SP3: variants seen among roughly 807,000 people sequenced by gnomAD.
SP3 encodes transcription factor Sp3.
A neutral mutation model predicts 70.3 loss-of-function variants in SP3; 10 were observed. The observed-to-expected ratio is 0.14, with a 90% CI of 0.09 to 0.24. The LOEUF (loss-of-function observed/expected upper bound fraction) is 0.24, where lower values mean the gene tolerates loss of function less well. SP3 is among the 10% of genes least tolerant of loss of function. SP3 has a pLI of 1.00. For missense variants in SP3, 825 were observed against 914.6 expected (o/e 0.90, Z 1.26); for synonymous variants, 402 against 333.5 (o/e 1.21, Z -2.24).
In SP3 at chr2:173,910,058, A is replaced by C; in HGVS notation, c.2229T>G (p.Gly743=). The part of the protein sequence containing the change: ...TTLILANIQQ[G]SVSGIGTVNT... Reference sequence around the variant, plus strand: ...TAACAGTTCCTATCCCTGAAACAGAACCTTGTTGAATATTTGCAAGGATAA... The same window carrying C: ...TAACAGTTCCTATCCCTGAAACAGACCCTTGTTGAATATTTGCAAGGATAA... Residue 743 remains glycine (G), a synonymous_variant, in exon 7 of 7, where the codon GGT becomes GGG. Transcript: ENST00000310015. 2 of 1,612,900 alleles carry C rather than the reference A, an allele frequency of 1.2e-6. No individual in the cohort carries two copies. The highest frequency in any genetic ancestry group is 1.7e-6 in the Non-Finnish European group (2 of 1,179,526).
chr2:173,923,286 G>T (rs930945821), intron 4 of SP3, among the ~76,000 whole-genome samples: 13 of 151,460 alleles, frequency 8.6e-5, no homozygotes, highest in African/African-American at 3.2e-4. Flanking sequence ...AAAGGGGTAT[G>T]TACAAAAGAA....
chr2:173,954,192 C>G (rs1053177569), intron 4 of SP3, among the ~76,000 whole-genome samples: 9 of 152,140 alleles, frequency 5.9e-5, no homozygotes, highest in Non-Finnish European at 1.3e-4. Flanking sequence ...AAAAATGACA[C>G]TATCTCTTTT....
chr2:173,950,000 A>AC (rs1183547542), intron 4 of SP3, among the ~76,000 whole-genome samples: 1 of 152,196 alleles, frequency 6.6e-6, no homozygotes, highest in Non-Finnish European at 1.5e-5. Context: ...GCCTCCTCTT[A>AC]CCCAGTTTCA....
In SP3 at chr2:173,904,823, A is replaced by T. The variant is rs1689271636; in HGVS notation, c.*5118T>A. 6.6e-6 allele frequency among the ~76,000 whole-genome samples: 1 copy of T among 152,220 alleles called. No individual in the cohort carries two copies. Among genetic ancestry groups the T allele is most frequent in the Non-Finnish European group, 1.5e-5 (1 of 68,044 alleles). On this transcript the variant is annotated 3_prime_UTR_variant, in exon 7 of 7. Transcript: ENST00000310015. ...TACTTCCTGTATTTCGTTGTTGTCG[A>T]TTAATCGGAGGCTTAGACTTTTTTT...
rs1360954482 is a variant in SP3 at position 173,905,693 on chromosome 2, G to GTA, written c.*4246_*4247dup. Among the ~76,000 whole-genome samples the GTA allele has an allele frequency of 6.6e-6, 1 of 151,828 alleles. No individual in the cohort carries two copies. The highest frequency in any genetic ancestry group is 1.5e-5 in the Non-Finnish European group (1 of 67,976). On this transcript the variant is annotated 3_prime_UTR_variant, in exon 7 of 7. Transcript: ENST00000310015. ...CCAACATGGGAAAAAAAAAAACCTT[G>GTA]TATACCCTTTAGACTCCAGATTTGG...
At chr2:173,944,923 C>A (rs1690487614) in intron 4 of SP3, among the ~76,000 whole-genome samples, 1 of 152,176 alleles carries the variant, frequency 6.6e-6, no homozygotes, top group African/African-American at 2.4e-5. Context: ...TTGAGACCAG[C>A]CTGGCCAACA....
chr2:173,911,955 A>C (rs2105453631), intron 6 of SP3, among the ~76,000 whole-genome samples: 1 of 151,458 alleles, frequency 6.6e-6, no homozygotes, highest in African/African-American at 2.4e-5. Context: ...AGCAGCTGGG[A>C]CTACAGGTAC....
At chr2:173,952,405 T>C (rs1006205230) in intron 4 of SP3, among the ~76,000 whole-genome samples, 5 of 152,078 alleles carry the variant, frequency 3.3e-5, no homozygotes, top group African/African-American at 1.2e-4. Flanking sequence ...CCCACTAGGA[T>C]GGCTGTAATC....
chr2:173,960,445 T>C (rs77724216), intron 3 of SP3, among the ~76,000 whole-genome samples: 30,908 of 152,136 alleles, frequency 0.2, 3,833 homozygotes, highest in East Asian at 0.35. Flanking sequence ...TAGGCAAATA[T>C]TCAAGTTTCT....
In SP3 at chr2:173,901,805, G is replaced by C. The variant is rs556718399; in HGVS notation, c.*8136C>G. ...CAACCTATGCCTCCTGCGTTCAAGC[G>C]ATTCTCGTGCCTCAGCCTCCCGAGT... On this transcript the variant is annotated 3_prime_UTR_variant, in exon 7 of 7. Transcript: ENST00000310015. 6.8e-6 allele frequency among the ~76,000 whole-genome samples: 1 copy of C among 147,644 alleles called. No homozygotes were observed. Among genetic ancestry groups the C allele is most frequent in the African/African-American group, 2.5e-5 (1 of 40,024 alleles).
intron 4 of SP3, among the ~76,000 whole-genome samples, chr2:173,947,638 C>T (rs906147581): frequency 6.6e-6 from 1 of 152,200 alleles, no homozygotes; most frequent in African/African-American, 2.4e-5. Flanking sequence ...TGCAAGCATA[C>T]TGATTTTCAA....
chr2:173,950,560 T>G (rs952484625), intron 4 of SP3, among the ~76,000 whole-genome samples: 1 of 151,490 alleles, frequency 6.6e-6, no homozygotes, highest in African/African-American at 2.4e-5. Flanking sequence ...TAGCCTGTAG[T>G]TCTACACATT....
Position 173,905,203 on chromosome 2 carries a change from T to C in SP3, c.*4738A>G, listed in dbSNP as rs1163330955. Among the ~76,000 whole-genome samples, 1 of 152,128 alleles carries C rather than the reference T, an allele frequency of 6.6e-6. No homozygotes were observed. The highest frequency in any genetic ancestry group is 1.5e-5 in the Non-Finnish European group (1 of 68,018). ...GGAAAAATCAATGTATGAACCATAG[T>C]CAAACAATGAAAATTCTAAAACACT... On this transcript the variant is annotated 3_prime_UTR_variant, in exon 7 of 7. Coordinates refer to ENST00000310015, the MANE Select transcript of SP3 (RefSeq NM_003111.5).
At chr2:173,943,676 T>C (rs149821737) in intron 4 of SP3, among the ~76,000 whole-genome samples, 1 of 152,202 alleles carries the variant, frequency 6.6e-6, no homozygotes, top group African/African-American at 2.4e-5. Context: ...AGTATTGTAT[T>C]TGCTTATTTG....
chr2:173,920,264 A>G (rs368706543), intron 4 of SP3, among the ~76,000 whole-genome samples: 4 of 152,258 alleles, frequency 2.6e-5, no homozygotes, highest in African/African-American at 7.2e-5. Context: ...GTTGCCAGGA[A>G]TTAAAGGGGA....
rs775326711 is a variant in SP3, at chr2:173,913,262, T to A, written c.1837A>T (p.Thr613Ser). Residue 613 changes from threonine (T) to serine (S), a missense_variant, in exon 6 of 7, where the codon ACC becomes TCC. This residue lies in a region of SP3 where 37 missense variants were observed against 66.2 expected (regional missense o/e 0.56). Transcript: ENST00000310015. ...PNCKEGGGRG[T>S]NLGKKKQHIC... is the part of the protein sequence containing the mutation. ...TGTTGCTTCTTTTTCCCAAGATTGG[T>A]ACCTCTAAAAAACACACATAGAATA... The A allele has an allele frequency of 2.5e-6, 4 of 1,590,504 alleles. No homozygotes were observed. The highest frequency in any genetic ancestry group is 2.6e-6 in the Non-Finnish European group (3 of 1,166,416).
chr2:173,930,035 C>T (rs1048143537), intron 4 of SP3, among the ~76,000 whole-genome samples: 1 of 152,102 alleles, frequency 6.6e-6, no homozygotes, highest in Non-Finnish European at 1.5e-5. Context: ...CTATTTCTCT[C>T]TAACTATGGG....
chr2:173,925,624 A>G (rs78662715), intron 4 of SP3, among the ~76,000 whole-genome samples: 194 of 152,304 alleles, frequency 1.3e-3, no homozygotes, highest in Non-Finnish European at 1.9e-3. Context: ...TCCCACTCCC[A>G]TAGAGGACTT....
rs73028206 is a variant in SP3, at chr2:173,905,722, A to G, written c.*4219T>C. ...ACCCTTTAGACTCCAGATTTGGCCA[A>G]GCGTGGTGGCTCACGCCTATAATCC... On this transcript the variant is annotated 3_prime_UTR_variant, in exon 7 of 7. Coordinates refer to ENST00000310015, the MANE Select transcript of SP3 (RefSeq NM_003111.5). Among the ~76,000 whole-genome samples, 7,225 of 152,178 alleles carry G rather than the reference A, an allele frequency of 0.047. 279 individuals are homozygous for G. The highest frequency in any genetic ancestry group is 0.14 in the Admixed American group (2,079 of 15,264).
Sources: gnomAD v4.1 joint callset for allele counts (sites outside exome capture counted in the v4.1 genomes callset) on GRCh38, gnomAD v4.1.1 for gene constraint, gnomAD v4.1.1 regional missense constraint, MANE v1.5 for transcripts, NCBI Gene and HGNC (gene_info 2026-07-23, HGNC 2026-07-21) for gene names.